SLC19A1: variants seen among roughly 807,000 people sequenced by gnomAD.
SLC19A1 encodes reduced folate transporter.
A neutral mutation model predicts 35.3 loss-of-function variants in SLC19A1; 37 were observed. The observed-to-expected ratio is 1.05, with a 90% CI of 0.81 to 1.38. The LOEUF (loss-of-function observed/expected upper bound fraction) is 1.38. Among genes scored for constraint, SLC19A1 ranks in the 40% most tolerant of loss-of-function variants. The probability of loss-of-function intolerance (pLI) is 0.00; values close to 1 mark genes in which losing one functional copy is unlikely to be tolerated. For synonymous variants in SLC19A1, 460 were observed against 398.5 expected, an observed-to-expected ratio of 1.15 and a Z score of -1.84; for missense variants, 831 against 826.9, an observed-to-expected ratio of 1.00 and a Z score of -0.06.
chr21:45,552,653 G>A (rs1193943243), intron 1 of SLC19A1, among the ~76,000 whole-genome samples: 1 of 151,716 alleles, frequency 6.6e-6, no homozygotes, highest in Non-Finnish European at 1.5e-5. Context: ...CCCAGCCCCA[G>A]CAGAGAGGGG....
chr21:45,536,959 C>G (rs1445247117), intron 2 of SLC19A1, among the ~76,000 whole-genome samples: 1 of 152,200 alleles, frequency 6.6e-6, no homozygotes, highest in Non-Finnish European at 1.5e-5. Flanking sequence ...CCCGCCTCCA[C>G]CGCTCATGTG....
chr21:45,560,310 T>C (rs919744201), intron 1 of SLC19A1, among the ~76,000 whole-genome samples: 38 of 152,172 alleles, frequency 2.5e-4, no homozygotes, highest in African/African-American at 9.2e-4. Context: ...TCCATGTCCA[T>C]CACCTTGGGA....
chr21:45,552,207 G>A (rs111971750), intron 1 of SLC19A1, among the ~76,000 whole-genome samples: 4 of 152,320 alleles, frequency 2.6e-5, no homozygotes, highest in African/African-American at 9.6e-5. Flanking sequence ...AGAGATCTGC[G>A]ATGGGCCAAA....
chr21:45,524,948 G>A (rs2077557666), intron 5 of SLC19A1, among the ~76,000 whole-genome samples: 1 of 152,240 alleles, frequency 6.6e-6, no homozygotes, highest in African/African-American at 2.4e-5. Context: ...TGTGGCACAG[G>A]GCCACGTGGC....
chr21:45,506,216 C>T, intron 3 of SLC19A1: 1 of 534,034 alleles, frequency 1.9e-6, no homozygotes, highest in South Asian at 2.0e-5. Flanking sequence ...CCTGGTGGGT[C>T]ATGTCACAGT....
At chr21:45,506,393 A>C (rs2037206913) in intron 3 of SLC19A1, 5 of 328,592 alleles carry the variant, frequency 1.5e-5, no homozygotes, top group South Asian at 7.5e-5. Context: ...CGCGTTATAA[A>C]CACCAAGGTG....
chr21:45,543,607 A>C (rs1453168229), upstream of SLC19A1, among the ~76,000 whole-genome samples: 1 of 152,214 alleles, frequency 6.6e-6, no homozygotes, highest in African/African-American at 2.4e-5. Context: ...CCTTGCCCTA[A>C]ATGGCCGCCT....
intron 4 of SLC19A1, among the ~76,000 whole-genome samples, chr21:45,529,641 GGT>G (rs773690736): frequency 6.6e-6 from 1 of 151,272 alleles, no homozygotes; most frequent in South Asian, 2.1e-4. Flanking sequence ...GTAAACGTGT[GGT>G]GTGTCCATGT....
chr21:45,512,173 C>G, downstream of SLC19A1: 1 of 1,607,094 alleles, frequency 6.2e-7, no homozygotes, highest in Non-Finnish European at 8.5e-7. Context: ...ACTGACGGCC[C>G]GGCGCGTCTT....
chr21:45,531,798 G>A lies in SLC19A1; in HGVS notation c.540C>T (p.Val180=), dbSNP rs773562659. 2.5e-6 allele frequency: 4 copies of A among 1,597,364 alleles called. No individual in the cohort carries two copies. The highest frequency in any genetic ancestry group is 1.1e-5 in the South Asian group (1 of 89,156). The change falls in exon 3 of 6, where the codon GTC becomes GTT. Residue 180 remains valine, a synonymous_variant. Coordinates refer to ENST00000311124, the MANE Select transcript of SLC19A1 (RefSeq NM_194255.4). ...LGQLLVTVGR[V]SFSTLNYISL... ...AGATGTAGTTGAGCGTGGAGAAGGA[G>A]ACTCGGCCCACAGTGACCAGCAGCT...
At chr21:45,525,073 AT>A (rs2077562181) in intron 5 of SLC19A1, among the ~76,000 whole-genome samples, 1 of 152,152 alleles carries the variant, frequency 6.6e-6, no homozygotes, top group Admixed American at 6.5e-5. Context: ...GATGCCTGCT[AT>A]TGCCCGGGCC....
upstream of SLC19A1, among the ~76,000 whole-genome samples, chr21:45,544,616 G>C (rs2078394005): frequency 1.3e-5 from 2 of 152,216 alleles, no homozygotes; most frequent in South Asian, 4.1e-4. Flanking sequence ...ATGGCAGGGA[G>C]AGCTGGTCCC....
intron 3 of SLC19A1, chr21:45,504,991 G>A (rs1030399083): frequency 2.9e-6 from 3 of 1,048,606 alleles, no homozygotes; most frequent in East Asian, 2.6e-5. Context: ...GGTTTCTCAG[G>A]CTATGGCGTG....
At chr21:45,504,437 G>C (rs1482481003) in intron 3 of SLC19A1, 1 of 1,611,824 alleles carries the variant, frequency 6.2e-7, no homozygotes, top group Non-Finnish European at 8.5e-7. Context: ...AGACCGAGGT[G>C]ATGCAGGACA....
At chr21:45,505,484 C>G (rs1410925821) in intron 3 of SLC19A1, 1 of 905,646 alleles carries the variant, frequency 1.1e-6, no homozygotes, top group Admixed American at 2.0e-5. Context: ...CTGGCTGGTT[C>G]TGCAGCCCCT....
chr21:45,542,150 G>T (rs1384799331), intron 1 of SLC19A1, among the ~76,000 whole-genome samples: 2 of 80,140 alleles, frequency 2.5e-5, no homozygotes, highest in African/African-American at 1.0e-4. Context: ...CCCACGCCCC[G>T]CACCCTCCCC....
At chr21:45,508,906 G>A (rs960079614), downstream of SLC19A1, among the ~76,000 whole-genome samples, 11 of 152,176 alleles carry the variant, frequency 7.2e-5, no homozygotes, top group African/African-American at 2.2e-4. Context: ...CGTGGGGAAA[G>A]GTGCAGAATC....
chr21:45,544,644 T>G (rs1210017245), upstream of SLC19A1, among the ~76,000 whole-genome samples: 2 of 152,166 alleles, frequency 1.3e-5, no homozygotes, highest in African/African-American at 4.8e-5. Flanking sequence ...AGCCCTGGGT[T>G]GGAGGGATCA....
downstream of SLC19A1, among the ~76,000 whole-genome samples, chr21:45,507,989 A>C (rs965294747): frequency 2.6e-5 from 4 of 152,114 alleles, no homozygotes; most frequent in African/African-American, 9.7e-5. Context: ...GGGTGAATCA[A>C]TGGGGAGGTG....
Sources: gnomAD v4.1 joint callset for allele counts (sites outside exome capture counted in the v4.1 genomes callset) on GRCh38, gnomAD v4.1.1 for gene constraint, MANE v1.5 for transcripts, NCBI Gene and HGNC (gene_info 2026-07-23, HGNC 2026-07-21) for gene names.